The following IQSEC1 variants were observed in gnomAD, a reference collection of about 807,000 sequenced individuals.
IQSEC1 encodes IQ motif and SEC7 domain-containing protein 1.
IQSEC1 carries 31 observed loss-of-function variants against 91.0 expected under a neutral mutation model. The ratio of observed to expected loss-of-function variants is 0.34; its 90% CI spans 0.26 to 0.46. The LOEUF is 0.46. Among genes scored for constraint, IQSEC1 ranks in the 20% least tolerant of loss-of-function variants. The pLI is 1.00. For missense variants in IQSEC1, 1,388 were observed against 1,575.6 expected (o/e 0.88, Z 2.02); for synonymous variants, 699 against 662.6 (o/e 1.05, Z -0.84).
chr3:12,941,944 A>G lies in IQSEC1; in HGVS notation c.24-79T>C, dbSNP rs1357689131. On this transcript the variant is annotated intron_variant, in intron 1 of 13. Coordinates refer to ENST00000613206, the MANE Select transcript of IQSEC1 (RefSeq NM_001134382.3). Reference sequence around the variant, plus strand: ...ACACCGGGCCGTGGGGCGTGACCCCACCATGCTCCTGGAGGAGCCCCCATG... The same window carrying G: ...ACACCGGGCCGTGGGGCGTGACCCCGCCATGCTCCTGGAGGAGCCCCCATG... 5 of 1,331,408 alleles carry G rather than the reference A, an allele frequency of 3.8e-6. No individual in the cohort carries two copies. In the Admixed American group the frequency reaches 1.2e-4, roughly 33 times the overall value. 82.5% of individuals were successfully genotyped at this position (1,331,408 alleles called of 1,614,324 possible).
intron 2 of IQSEC1, among the ~76,000 whole-genome samples, chr3:13,098,785 G>A (rs1706007902): frequency 6.6e-6 from 1 of 152,182 alleles, no homozygotes; most frequent in South Asian, 2.1e-4. Context: ...AGGTTACCAG[G>A]GACTTAGGGG....
At chr3:13,277,003 G>T (rs1238301575) in intron 1 of IQSEC1, among the ~76,000 whole-genome samples, 1 of 150,798 alleles carries the variant, frequency 6.6e-6, no homozygotes, top group Non-Finnish European at 1.5e-5. Flanking sequence ...TGCCTGGCTG[G>T]CCTGTGTTGT....
chr3:13,243,682 T>C (rs1695060175), intron 1 of IQSEC1, among the ~76,000 whole-genome samples: 1 of 151,576 alleles, frequency 6.6e-6, no homozygotes, highest in Admixed American at 6.5e-5. Flanking sequence ...CAGGAGCCAA[T>C]GCGCTTCCTC....
At chr3:13,054,863 C>T (rs1381391217) in intron 1 of IQSEC1, among the ~76,000 whole-genome samples, 1 of 152,244 alleles carries the variant, frequency 6.6e-6, no homozygotes, top group Non-Finnish European at 1.5e-5. Context: ...CCACATGACC[C>T]CGCCTGAGCC....
In IQSEC1 at chr3:12,899,595, G is replaced by A. The variant is rs3773308; in HGVS notation, c.*1388C>T. The A allele has an allele frequency of 0.2, 201,942 of 985,256 alleles. 22,589 individuals carry two copies. Among genetic ancestry groups the A allele is most frequent in the East Asian group, 0.57 (5,046 of 8,790 alleles). 61.0% of individuals were successfully genotyped at this position (985,256 alleles called of 1,614,324 possible). On this transcript the variant is annotated 3_prime_UTR_variant, in exon 14 of 14. Coordinates refer to ENST00000613206, the MANE Select transcript of IQSEC1 (RefSeq NM_001134382.3). ...ACTGGACCATGGGAAGGCAGCGGGG[G>A]CTCCGCCGGGCACTCGTCGGCTGGG... is the stretch of plus-strand genomic sequence containing the variant.
intron 1 of IQSEC1, among the ~76,000 whole-genome samples, chr3:13,038,530 T>C (rs1704130634): frequency 6.6e-6 from 1 of 151,862 alleles, no homozygotes. Context: ...GAGGTAGGTA[T>C]GGTTAATGAA....
At chr3:13,071,161 T>TTTG (rs1553563507) in intron 1 of IQSEC1, among the ~76,000 whole-genome samples, 8 of 120,656 alleles carry the variant, frequency 6.6e-5, no homozygotes, top group Non-Finnish European at 1.4e-4. Flanking sequence ...TTGTTTTTTT[T>TTTG]TTTTTGTTTG....
intron 1 of IQSEC1, among the ~76,000 whole-genome samples, chr3:13,182,435 G>C (rs1350682618): frequency 6.6e-6 from 1 of 152,188 alleles, no homozygotes; most frequent in African/African-American, 2.4e-5. Context: ...GTCAGGCACT[G>C]TTCTAATGGG....
intron 2 of IQSEC1, among the ~76,000 whole-genome samples, chr3:13,114,640 A>C (rs6442348): frequency 0.049 from 7,503 of 152,040 alleles, 607 homozygotes; most frequent in African/African-American, 0.17. Flanking sequence ...AAAAATACAA[A>C]AAATTAGCCT....
chr3:12,929,732 C>T (rs1012528839), intron 3 of IQSEC1, among the ~76,000 whole-genome samples: 2 of 152,174 alleles, frequency 1.3e-5, no homozygotes, highest in Non-Finnish European at 2.9e-5. Flanking sequence ...CTGTAAGGAC[C>T]CAGCATTAAC....
Position 13,027,429 on chromosome 3 carries a change from C to G in IQSEC1, c.23+45563G>C, listed in dbSNP as rs1382196615. On this transcript the variant is annotated intron_variant, in intron 1 of 13. Coordinates refer to ENST00000613206, the MANE Select transcript of IQSEC1 (RefSeq NM_001134382.3). Reference sequence around the variant, plus strand: ...CGTCCAAGTTGCCAGACTTGGCCTGCAGGGCCTCACTTTACTTGCTGTGCA... The same window carrying G: ...CGTCCAAGTTGCCAGACTTGGCCTGGAGGGCCTCACTTTACTTGCTGTGCA... Among the ~76,000 whole-genome samples the G allele has an allele frequency of 1.3e-5, 2 of 152,218 alleles. 1 individual carries two copies. Among genetic ancestry groups the G allele is most frequent in the East Asian group, 3.8e-4 (2 of 5,204 alleles).
intron 1 of IQSEC1, among the ~76,000 whole-genome samples, chr3:13,217,057 T>C (rs1694563859): frequency 6.6e-6 from 1 of 152,090 alleles, no homozygotes; most frequent in Non-Finnish European, 1.5e-5. Context: ...CCATTACAGA[T>C]GACAAAAGAT....
At chr3:13,186,782 CT>C (rs1318529424) in intron 1 of IQSEC1, among the ~76,000 whole-genome samples, 1 of 152,134 alleles carries the variant, frequency 6.6e-6, no homozygotes, top group Non-Finnish European at 1.5e-5. Context: ...GACGGCGACC[CT>C]TTGGCAGACC....
At chr3:13,250,420 C>CT (rs1227236271) in intron 1 of IQSEC1, among the ~76,000 whole-genome samples, 1,575 of 135,576 alleles carry the variant, frequency 0.012, 34 homozygotes, top group African/African-American at 0.037. Context: ...CCCCACTTTC[C>CT]TTTTTTTTTT....
chr3:13,244,438 G>A (rs961194150), intron 1 of IQSEC1, among the ~76,000 whole-genome samples: 6 of 152,262 alleles, frequency 3.9e-5, no homozygotes, highest in Admixed American at 1.3e-4. Flanking sequence ...AGTGATTGTC[G>A]GTATATGTAA....
chr3:13,252,730 T>TTTTGTTTG (rs371756149), intron 1 of IQSEC1, among the ~76,000 whole-genome samples: 3 of 150,946 alleles, frequency 2.0e-5, no homozygotes, highest in African/African-American at 4.9e-5. Context: ...TTTTTTTTGT[T>TTTTGTTTG]TTTGTTTGTT....
At chr3:13,031,474 G>C (rs1337283061) in intron 1 of IQSEC1, among the ~76,000 whole-genome samples, 2 of 152,234 alleles carry the variant, frequency 1.3e-5, no homozygotes, top group Non-Finnish European at 2.9e-5. Context: ...CCACAGTGGG[G>C]CAAGACAGTG....
chr3:13,281,262 C>T (rs1277318411), intron 1 of IQSEC1, among the ~76,000 whole-genome samples: 1 of 152,168 alleles, frequency 6.6e-6, no homozygotes, highest in Non-Finnish European at 1.5e-5. Context: ...CTCCGGGAGA[C>T]CCACAGCTGC....
At chr3:13,233,080 G>A (rs1694863939) in intron 1 of IQSEC1, among the ~76,000 whole-genome samples, 1 of 152,174 alleles carries the variant, frequency 6.6e-6, no homozygotes, top group Non-Finnish European at 1.5e-5. Flanking sequence ...CAAAGTGAAG[G>A]TACTAATGCC....
Sources: gnomAD v4.1 joint callset for allele counts (sites outside exome capture counted in the v4.1 genomes callset) on GRCh38, gnomAD v4.1.1 for gene constraint, MANE v1.5 for transcripts, NCBI Gene and HGNC (gene_info 2026-07-23, HGNC 2026-07-21) for gene names.